Variants in MVB12B observed in about 807,000 individuals in gnomAD.
MVB12B encodes the protein ESCRT-I complex subunit MVB12B.
In MVB12B, 16 loss-of-function variants were observed where a neutral mutation model predicts 41.6. The observed-to-expected ratio is 0.38, with a 90% CI of 0.26 to 0.58. MVB12B has a LOEUF of 0.58. Ranked by LOEUF, MVB12B falls within the 20% of genes least tolerant of loss-of-function variation. MVB12B has a pLI of 0.62. For synonymous variants in MVB12B, 133 were observed against 139.7 expected, an observed-to-expected ratio of 0.95 and a Z score of 0.34; for missense variants, 274 against 380.2, an observed-to-expected ratio of 0.72 and a Z score of 2.32.
chr9:126,403,174 G>A (rs4837077), intron 6 of MVB12B, among the ~76,000 whole-genome samples: 3 of 152,076 alleles, frequency 2.0e-5, no homozygotes, highest in Admixed American at 6.5e-5. Context: ...TTCCTCAATC[G>A]AGAACTTCAC....
Position 126,503,394 on chromosome 9 carries a change from G to C in MVB12B, c.*131G>C. On this transcript the variant is annotated 3_prime_UTR_variant, in exon 10 of 10. Transcript: ENST00000361171. ...ACTGCCCCAGCAGGGCTGGCCCGGA[G>C]ACTGGGCAGCTAAGTGGGCGCATCC... 1.4e-6 allele frequency: 1 copy of C among 730,874 alleles called. No homozygotes were observed. The highest frequency in any genetic ancestry group is 1.8e-5 in the African/African-American group (1 of 56,418). The allele number at this position is 730,874 out of a possible 1,614,324, so 45.3% of individuals were successfully genotyped here.
intron 7 of MVB12B, among the ~76,000 whole-genome samples, chr9:126,427,233 G>C (rs906737278): frequency 6.6e-6 from 1 of 152,146 alleles, no homozygotes; most frequent in East Asian, 1.9e-4. Context: ...GTATTGGGGG[G>C]ACACCTACTT....
intron 7 of MVB12B, among the ~76,000 whole-genome samples, chr9:126,440,872 T>C (rs1832618216): frequency 6.6e-6 from 1 of 152,250 alleles, no homozygotes; most frequent in Non-Finnish European, 1.5e-5. Context: ...CAATAAGTTA[T>C]GCTTTTGAAA....
chr9:126,435,922 G>T (rs1832467142), intron 7 of MVB12B, among the ~76,000 whole-genome samples: 1 of 152,204 alleles, frequency 6.6e-6, no homozygotes, highest in African/African-American at 2.4e-5. Flanking sequence ...GTTTCTTCAG[G>T]CTACATTTTT....
chr9:126,496,803 G>A (rs558170592), intron 9 of MVB12B, among the ~76,000 whole-genome samples: 65 of 152,206 alleles, frequency 4.3e-4, no homozygotes, highest in Admixed American at 2.2e-3. Flanking sequence ...CCCTGCTCCT[G>A]GACACAGGCC....
chr9:126,338,575 T>TA (rs34003566), intron 1 of MVB12B, among the ~76,000 whole-genome samples: 89,729 of 146,370 alleles, frequency 0.61, 27,349 homozygotes, highest in South Asian at 0.67. Flanking sequence ...CATACTATCT[T>TA]AAAAAAAAAA....
intron 2 of MVB12B, among the ~76,000 whole-genome samples, chr9:126,363,596 T>A (rs1030310334): frequency 6.6e-6 from 1 of 152,242 alleles, no homozygotes; most frequent in Admixed American, 6.5e-5. Flanking sequence ...CTTAGAATTG[T>A]CCTCTGGCTC....
chr9:126,496,454 C>T (rs969220695), intron 9 of MVB12B, among the ~76,000 whole-genome samples: 3 of 143,044 alleles, frequency 2.1e-5, no homozygotes, highest in South Asian at 4.5e-4. Context: ...ACCCACCCAC[C>T]GCTACCCACC....
chr9:126,474,473 T>C (rs1225687608), intron 7 of MVB12B, among the ~76,000 whole-genome samples: 2 of 152,144 alleles, frequency 1.3e-5, no homozygotes, highest in East Asian at 3.9e-4. Flanking sequence ...TGTTTTAAAA[T>C]ATGAAAAGGC....
chr9:126,395,732 T>C lies in MVB12B; in HGVS notation c.662+35T>C. The C allele has an allele frequency of 6.2e-7, 1 of 1,612,676 alleles. No individual in the cohort carries two copies. The highest frequency in any genetic ancestry group is 8.5e-7 in the Non-Finnish European group (1 of 1,179,308). ...TGTCGGGGTGTCTTGCGTTGTCCTG[T>C]GGTCTTAGGTCCCTGCACAACATTT... On this transcript the variant is annotated intron_variant, in intron 6 of 9. Transcript: ENST00000361171. This position sits in a 1 kb window ranked among gnomAD's most constrained non-coding sequence, Gnocchi z 4.9.
At chr9:126,426,080 G>A (rs1390449231) in intron 7 of MVB12B, among the ~76,000 whole-genome samples, 2 of 152,224 alleles carry the variant, frequency 1.3e-5, no homozygotes, top group African/African-American at 4.8e-5. Context: ...ACACAGCCAT[G>A]CCCAGTCCTT....
chr9:126,355,757 G>A (rs992452602), intron 2 of MVB12B, among the ~76,000 whole-genome samples: 2 of 152,160 alleles, frequency 1.3e-5, no homozygotes, highest in African/African-American at 4.8e-5. Context: ...CATCGTTTTT[G>A]AAGTTAGCAA....
intron 7 of MVB12B, among the ~76,000 whole-genome samples, chr9:126,474,869 T>C (rs1485980631): frequency 6.6e-6 from 1 of 152,164 alleles, no homozygotes; most frequent in African/African-American, 2.4e-5. Context: ...TCTGGCCTCC[T>C]TGAAGGCCCC....
At chr9:126,491,421 T>C (rs1364999404) in intron 9 of MVB12B, among the ~76,000 whole-genome samples, 1 of 112,092 alleles carries the variant, frequency 8.9e-6, no homozygotes, top group Non-Finnish European at 2.1e-5. Flanking sequence ...GCTTATTAGA[T>C]GTTGAAGAAT....
intron 9 of MVB12B, among the ~76,000 whole-genome samples, chr9:126,496,190 C>T (rs1010690168): frequency 4.6e-5 from 6 of 130,266 alleles, no homozygotes; most frequent in Admixed American, 1.5e-4. Context: ...CTTGTCCACC[C>T]ACCCACCCAC....
In MVB12B at chr9:126,395,942, G is replaced by A; in HGVS notation, c.662+245G>A. 7.6e-7 allele frequency: 1 copy of A among 1,311,718 alleles called. No homozygotes were observed. The highest frequency in any genetic ancestry group is 9.7e-7 in the Non-Finnish European group (1 of 1,030,702). 81.3% of individuals were successfully genotyped at this position (1,311,718 alleles called of 1,614,324 possible). ...GCAGGCTTCTAAAATTGCAGATTAT[G>A]CAACTTAAAATTGGCTCCCTATTCA... On this transcript the variant is annotated intron_variant, in intron 6 of 9. Coordinates refer to ENST00000361171, the MANE Select transcript of MVB12B (RefSeq NM_033446.3). The surrounding 1 kb of genome is among the most constrained non-coding windows in gnomAD (Gnocchi z 4.9).
intron 6 of MVB12B, chr9:126,397,453 A>G (rs1831148953): frequency 1.0e-6 from 1 of 985,318 alleles, no homozygotes; most frequent in African/African-American, 1.7e-5. Context: ...TCTGCTGTAC[A>G]GTTTATGGTT....
At chr9:126,338,692 T>C (rs1829356096) in intron 1 of MVB12B, among the ~76,000 whole-genome samples, 1 of 152,194 alleles carries the variant, frequency 6.6e-6, no homozygotes, top group Non-Finnish European at 1.5e-5. Context: ...GCATTCTTGG[T>C]AACCAACAGC....
chr9:126,481,651 T>C (rs1275619839), intron 8 of MVB12B, among the ~76,000 whole-genome samples: 1 of 152,176 alleles, frequency 6.6e-6, no homozygotes, highest in Non-Finnish European at 1.5e-5. Context: ...TCTGGCCCTA[T>C]CAGCCAGTGC....
Sources: allele counts gnomAD v4.1 joint callset (sites outside exome capture counted in the v4.1 genomes callset), GRCh38; gene constraint gnomAD v4.1.1; non-coding constraint Gnocchi (gnomAD v3.1); transcripts MANE v1.5; gene names NCBI Gene and HGNC (gene_info 2026-07-23, HGNC 2026-07-21).